Variants in XPR1 observed in about 807,000 individuals in gnomAD.
XPR1 encodes the protein xenotropic and polytropic retrovirus receptor 1, also known as solute carrier family 53 member 1.
In XPR1, 28 loss-of-function variants were observed where a neutral mutation model predicts 87.5. That is an observed-to-expected ratio of 0.32 (90% confidence interval 0.24 to 0.44). XPR1 has a LOEUF of 0.44. Among genes scored for constraint, XPR1 ranks in the 20% least tolerant of loss-of-function variants. The pLI, the probability that XPR1 is intolerant of heterozygous loss-of-function variation, is 1.00. For synonymous variants in XPR1, 300 were observed against 306.1 expected, an observed-to-expected ratio of 0.98 and a Z score of 0.21; for missense variants, 559 against 862.3, an observed-to-expected ratio of 0.65 and a Z score of 4.41.
chr1:180,769,731 A>G (rs971257864), intron 2 of XPR1, among the ~76,000 whole-genome samples: 4 of 152,214 alleles, frequency 2.6e-5, no homozygotes, highest in African/African-American at 9.7e-5. Context: ...GAACGGCTGC[A>G]ACAAACATGG....
At chr1:180,638,938 T>C (rs868642219) in intron 1 of XPR1, among the ~76,000 whole-genome samples, 6 of 152,334 alleles carry the variant, frequency 3.9e-5, no homozygotes, top group South Asian at 4.1e-4. Context: ...CAGACTGATA[T>C]TTAGTCACCT....
chr1:180,765,446 G>C (rs774377933), intron 2 of XPR1, among the ~76,000 whole-genome samples: 6 of 152,084 alleles, frequency 3.9e-5, no homozygotes, highest in Non-Finnish European at 7.4e-5. Flanking sequence ...CTGACTACTA[G>C]ATCTTTCTTA....
intron 2 of XPR1, among the ~76,000 whole-genome samples, chr1:180,773,082 A>T (rs896288816): frequency 5.9e-5 from 9 of 152,118 alleles, no homozygotes; most frequent in African/African-American, 2.2e-4. Context: ...AGAGATAGAG[A>T]CTAGTAAATA....
At chr1:180,755,674 T>C (rs186763079) in intron 2 of XPR1, among the ~76,000 whole-genome samples, 1 of 152,364 alleles carries the variant, frequency 6.6e-6, no homozygotes, top group East Asian at 1.9e-4. Context: ...TTATGGTATT[T>C]ATGTATTTCT....
At chr1:180,883,346 G>A (rs985008945) in intron 14 of XPR1, among the ~76,000 whole-genome samples, 7 of 151,740 alleles carry the variant, frequency 4.6e-5, no homozygotes, top group Non-Finnish European at 5.9e-5. Flanking sequence ...CAGTGAAATC[G>A]GTGTTACCAT....
intron 2 of XPR1, among the ~76,000 whole-genome samples, chr1:180,776,040 CCCAA>C (rs1443663851): frequency 3.3e-5 from 5 of 152,112 alleles, no homozygotes; most frequent in Admixed American, 3.3e-4. Flanking sequence ...CATTTTGGAT[CCCAA>C]ACAAAGGAAT....
At chr1:180,850,084 G>A (rs957772997) in intron 11 of XPR1, among the ~76,000 whole-genome samples, 2 of 152,142 alleles carry the variant, frequency 1.3e-5, no homozygotes, top group Admixed American at 1.3e-4. Flanking sequence ...ATGTGAGTAG[G>A]TGTTTCAGAA....
At chr1:180,746,437 C>G (rs1647254381) in intron 2 of XPR1, among the ~76,000 whole-genome samples, 1 of 152,084 alleles carries the variant, frequency 6.6e-6, no homozygotes, top group South Asian at 2.1e-4. Context: ...CAAGTTGCTG[C>G]AAAAAACATT....
chr1:180,713,991 A>G (rs1044537837), intron 2 of XPR1, among the ~76,000 whole-genome samples: 15 of 151,906 alleles, frequency 9.9e-5, no homozygotes, highest in African/African-American at 3.4e-4. Context: ...TAATAAAGTC[A>G]TCTGGACCTG....
intron 1 of XPR1, 91 bp downstream of exon 1, chr1:180,632,361 C>A: frequency 1.3e-6 from 2 of 1,490,286 alleles, no homozygotes; most frequent in Non-Finnish European, 1.8e-6. Flanking sequence ...TCAGCTGGCT[C>A]CCTGTGCCCG....
chr1:180,696,208 G>GTGTATATA (rs1241189679), intron 2 of XPR1, among the ~76,000 whole-genome samples: 16 of 88,584 alleles, frequency 1.8e-4, no homozygotes, highest in African/African-American at 3.4e-4. Flanking sequence ...GTGTGTGTGT[G>GTGTATATA]TATATATATA....
chr1:180,830,759 A>G (rs1651028629), intron 9 of XPR1, among the ~76,000 whole-genome samples: 1 of 152,182 alleles, frequency 6.6e-6, no homozygotes, highest in South Asian at 2.1e-4. Context: ...CACAGCGCTT[A>G]TCAAGACAAT....
chr1:180,855,603 G>A (rs1189445298), intron 11 of XPR1, among the ~76,000 whole-genome samples: 1 of 150,196 alleles, frequency 6.7e-6, no homozygotes, highest in African/African-American at 2.5e-5. Context: ...GGTAGAGGTT[G>A]CAATGAGCCG....
intron 2 of XPR1, among the ~76,000 whole-genome samples, chr1:180,721,916 A>G (rs1020441385): frequency 6.6e-5 from 10 of 152,146 alleles, no homozygotes; most frequent in African/African-American, 2.4e-4. Context: ...TGTTACTACT[A>G]AGGCTTCTGG....
rs1343751448 is a variant in XPR1, at chr1:180,836,689, T to A, written c.1474T>A (p.Phe492Ile). 6.2e-7 allele frequency: 1 copy of A among 1,614,050 alleles called. No individual in the cohort carries two copies. The highest frequency in any genetic ancestry group is 1.1e-5 in the South Asian group (1 of 91,084). ...KYSTTFFMVT[F>I]AALYSTHKER... ...CTCCACAACTTTCTTCATGGTGACG[T>A]TTGCAGCCCTTTACAGCACTCACAA... The change falls in exon 11 of 15, where the codon TTT becomes ATT. Residue 492 changes from phenylalanine to isoleucine, a missense_variant. By Grantham distance (21) the Phe-to-Ile change is conservative. This residue lies in a region of XPR1 where 264 missense variants were observed against 377.2 expected (regional missense o/e 0.70). Transcript: ENST00000367590.
chr1:180,866,194 G>A (rs1206128679), intron 12 of XPR1, among the ~76,000 whole-genome samples: 1 of 151,766 alleles, frequency 6.6e-6, no homozygotes, highest in African/African-American at 2.4e-5. Flanking sequence ...CCTGGGCGAT[G>A]GAGCAAGACC....
intron 2 of XPR1, among the ~76,000 whole-genome samples, chr1:180,779,621 G>A (rs955950772): frequency 2.0e-5 from 3 of 151,580 alleles, no homozygotes; most frequent in Non-Finnish European, 4.4e-5. Context: ...TGTGGTGGTG[G>A]GCACCTATAA....
rs1192955477 is a variant in XPR1 at position 180,704,278 on chromosome 1, T to TATATATATATATATATATATATA, written c.121+21869_121+21870insATATATATATATATATATATAAT. Among the ~76,000 whole-genome samples the TATATATATATATATATATATATA allele has an allele frequency of 1.3e-4, 4 of 31,902 alleles. 1 individual carries two copies. Among genetic ancestry groups the TATATATATATATATATATATATA allele is most frequent in the African/African-American group, 2.7e-4 (3 of 10,988 alleles). 20.9% of individuals were successfully genotyped at this position (31,902 alleles called of 152,430 possible). On this transcript the variant is annotated intron_variant, in intron 2 of 14. Transcript: ENST00000367590. ...TATATATATATATATATATATATATTATCAGATTATCTGTTTTGTTACTAC... is the reference window on the plus strand; with the variant it reads ...TATATATATATATATATATATATATTATATATATATATATATATATATAATCAGATTATCTGTTTTGTTACTAC...
intron 2 of XPR1, among the ~76,000 whole-genome samples, chr1:180,720,673 T>C (rs6699726): frequency 0.39 from 59,387 of 151,932 alleles, 11,860 homozygotes; most frequent in African/African-American, 0.42. Flanking sequence ...TCACCCCAGA[T>C]CTACTAAATC....
Sources: allele counts gnomAD v4.1 joint callset (sites outside exome capture counted in the v4.1 genomes callset), GRCh38; gene constraint gnomAD v4.1.1; regional missense constraint gnomAD v4.1.1; transcripts MANE v1.5; gene names NCBI Gene and HGNC (gene_info 2026-07-23, HGNC 2026-07-21).